GGT7: variants seen among roughly 807,000 people sequenced by gnomAD.
The protein encoded by GGT7 is glutathione hydrolase 7.
A neutral mutation model predicts 69.2 loss-of-function variants in GGT7; 30 were observed. That is an observed-to-expected ratio of 0.43 (90% CI 0.32 to 0.59). The LOEUF is 0.59. GGT7 is among the 20% of genes least tolerant of loss of function. GGT7 has a pLI of 0.05. For missense variants in GGT7, 733 were observed against 901.1 expected (o/e 0.81, Z 2.39); for synonymous variants, 388 against 391.8 (o/e 0.99, Z 0.12).
At position 34,859,568 on chromosome 20, in the gene GGT7, G is replaced by T. The variant is rs749842520; in HGVS notation, c.889C>A (p.Arg297Ser). 14 of 1,602,460 alleles carry T rather than the reference G, an allele frequency of 8.7e-6. 1 individual carries two copies. In the South Asian group the frequency reaches 1.2e-4, roughly 14 times the overall value. Residue 297 changes from arginine (R) to serine (S), a missense_variant, in exon 7 of 15, where the codon CGC becomes AGC. Transcript: ENST00000336431. ...RFRETFLPSG[R>S]PPLPGSLLHR... The stretch of plus-strand genomic sequence containing the variant: ...AGCAACGAGCCAGGTAGTGGCGGGC[G>T]GCCCGATGGCAGGAACGTCTCCCGG...
At position 34,845,337 on chromosome 20, in the gene GGT7, G is replaced by T. The variant is rs780152693; in HGVS notation, c.1980C>A (p.Thr660=). ...GCCCCACCCCGCTGCTCTACAGGAT[G>T]GTGGCTCCAGCTGCATCTGGGCTCC... ...DPRSPDAAGA[T]IL The change falls in exon 15 of 15, where the codon ACC becomes ACA. Residue 660 remains threonine, a synonymous_variant. Transcript: ENST00000336431. 11 of 1,613,556 alleles carry T rather than the reference G, an allele frequency of 6.8e-6. No homozygotes were observed. The highest frequency in any genetic ancestry group is 9.3e-6 in the Non-Finnish European group (11 of 1,179,766).
In GGT7 at chr20:34,863,433, G is replaced by T; in HGVS notation, c.285C>A (p.Ala95=). 6.2e-7 allele frequency: 1 copy of T among 1,613,430 alleles called. No individual in the cohort carries two copies. ...GGCGGCAGGAGCACTCGGCCGCTGC[G>T]GCGGAGAACGGGTCTTTGCGCGTCT... ...LRETRKDPFS[A]AAAECSCRQD... Residue 95 remains alanine, a synonymous_variant, in exon 2 of 15, where the codon GCC becomes GCA. Transcript: ENST00000336431. This position sits in a 1 kb window ranked among gnomAD's most constrained non-coding sequence, Gnocchi z 4.4.
chr20:34,848,407 C>T (rs912980864), intron 14 of GGT7, among the ~76,000 whole-genome samples: 4 of 152,240 alleles, frequency 2.6e-5, no homozygotes. Context: ...TGAACTTTCC[C>T]TTCACCAAGC....
Position 34,850,033 on chromosome 20 carries a change from G to T in GGT7, c.1753C>A (p.Arg585=), listed in dbSNP as rs751472295. Residue 585 remains arginine (R), a synonymous_variant, in exon 14 of 15, where the codon CGG becomes AGG. Coordinates refer to ENST00000336431, the MANE Select transcript of GGT7 (RefSeq NM_178026.3). ...QVLLNVLTLN[R]NLSDSLARGR... is the part of the protein sequence containing the mutation. ...CGGGCCAGGCTGTCACTCAGGTTCCGGTTCAAGGTCAGGACATTCAGCAGA... is the reference window on the plus strand; with the variant it reads ...CGGGCCAGGCTGTCACTCAGGTTCCTGTTCAAGGTCAGGACATTCAGCAGA... 1 of 1,613,682 alleles carries T rather than the reference G, an allele frequency of 6.2e-7. No individual in the cohort carries two copies. The highest frequency in any genetic ancestry group is 8.5e-7 in the Non-Finnish European group (1 of 1,179,748).
At chr20:34,859,057 T>C (rs1294455373) in intron 7 of GGT7, among the ~76,000 whole-genome samples, 4 of 151,732 alleles carry the variant, frequency 2.6e-5, no homozygotes, top group Non-Finnish European at 5.9e-5. Context: ...GTAATCCCAG[T>C]TACTCGGGAG....
In GGT7 at chr20:34,872,678, G is replaced by A. The variant is rs1435664384; in HGVS notation, c.138C>T (p.Asp46=). 1.4e-6 allele frequency: 2 copies of A among 1,479,498 alleles called. No individual in the cohort carries two copies. Among genetic ancestry groups the A allele is most frequent in the South Asian group, 1.4e-5 (1 of 72,912 alleles). 91.6% of individuals were successfully genotyped at this position (1,479,498 alleles called of 1,614,324 possible). ...APAAPLRGRK[D]EDAFLGDPDT... ...CGGGGTCTCCCAGAAAGGCGTCCTCGTCCTTGCGGCCCCTCAGCGGGGCCG... is the reference window on the plus strand; with the variant it reads ...CGGGGTCTCCCAGAAAGGCGTCCTCATCCTTGCGGCCCCTCAGCGGGGCCG... The change falls in exon 1 of 15, where the codon GAC becomes GAT. Residue 46 remains aspartate (D), a synonymous_variant. Coordinates refer to ENST00000336431, the MANE Select transcript of GGT7 (RefSeq NM_178026.3).
chr20:34,859,492 G>A lies in GGT7; in HGVS notation c.965C>T (p.Pro322Leu), dbSNP rs746464519. ...GTTGCCACCTGCGTAGAAGGCAGCC[G>A]GGCCGGAGGTGCCAAGTACATCCAG... ...EVLDVLGTSG[P>L]AAFYAGGNLT... is the part of the protein sequence containing the mutation. Residue 322 changes from proline to leucine, a missense_variant, in exon 7 of 15, where the codon CCG becomes CTG. Coordinates refer to ENST00000336431, the MANE Select transcript of GGT7 (RefSeq NM_178026.3). 13 of 1,605,238 alleles carry A rather than the reference G, an allele frequency of 8.1e-6. No homozygotes were observed. Among genetic ancestry groups the A allele is most frequent in the African/African-American group, 2.7e-5 (2 of 74,806 alleles).
intron 14 of GGT7, among the ~76,000 whole-genome samples, chr20:34,849,221 G>A (rs2079348863): frequency 6.6e-6 from 1 of 151,344 alleles, no homozygotes; most frequent in Admixed American, 6.6e-5. Flanking sequence ...GTAGGGCAGT[G>A]GCGTGATCTT....
At chr20:34,861,344 C>T (rs755245383) in intron 4 of GGT7, 101 bp downstream of exon 4, 3 of 534,612 alleles carry the variant, frequency 5.6e-6, no homozygotes, top group Admixed American at 5.9e-5. Context: ...AACTCTTTTT[C>T]CCACTCCCCT....
Position 34,872,825 on chromosome 20 carries a change from CG to C in GGT7, c.-11del. The C allele has an allele frequency of 7.5e-7, 1 of 1,336,760 alleles. No homozygotes were observed. The highest frequency in any genetic ancestry group is 9.6e-7 in the Non-Finnish European group (1 of 1,037,090). 82.8% of individuals were successfully genotyped at this position (1,336,760 alleles called of 1,614,324 possible). On this transcript the variant is annotated 5_prime_UTR_variant, in exon 1 of 15. Transcript: ENST00000336431. ...CGTTCTCCGCCGCCATCCTCGCCCG[CG>C]CCCCCCAGCAGCGCAGCGCCTGCCG...
At chr20:34,851,673 T>G (rs189193028) in intron 12 of GGT7, among the ~76,000 whole-genome samples, 11 of 152,292 alleles carry the variant, frequency 7.2e-5, no homozygotes, top group Non-Finnish European at 1.2e-4. Context: ...AACCCCACCC[T>G]GATCATCTCT....
Position 34,863,040 on chromosome 20 carries a change from A to C in GGT7, c.406-75T>G, listed in dbSNP as rs2079625024. 1 of 1,413,940 alleles carries C rather than the reference A, an allele frequency of 7.1e-7. No individual in the cohort carries two copies. Among genetic ancestry groups the C allele is most frequent in the African/African-American group, 1.4e-5 (1 of 70,604 alleles). The allele number at this position is 1,413,940 out of a possible 1,614,324, so 87.6% of individuals were successfully genotyped here. Reference sequence around the variant, plus strand: ...CCTAGGGCACCTCCACTAGCCCTAGAACTCTACGCGGCATGAAGGTCGAAG... The same window carrying C: ...CCTAGGGCACCTCCACTAGCCCTAGCACTCTACGCGGCATGAAGGTCGAAG... On this transcript the variant is annotated intron_variant, in intron 2 of 14. Transcript: ENST00000336431. This position sits in a 1 kb window ranked among gnomAD's most constrained non-coding sequence, Gnocchi z 4.4.
chr20:34,854,599 G>A lies in GGT7; in HGVS notation c.1251C>T (p.Ala417=). 3.1e-6 allele frequency: 5 copies of A among 1,612,716 alleles called. No homozygotes were observed. The highest frequency in any genetic ancestry group is 4.2e-6 in the Non-Finnish European group (5 of 1,178,790). ...WVAETLKIAL[A]LASRLGDPVY... ...CGGGATCTCCCAGTCTGCTGGCCAG[G>A]GCTAATGCAATCTTCAGGGTCTGAA... The change falls in exon 10 of 15, where the codon GCC becomes GCT. Residue 417 remains alanine, a synonymous_variant. Coordinates refer to ENST00000336431, the MANE Select transcript of GGT7 (RefSeq NM_178026.3).
Position 34,863,870 on chromosome 20 carries a change from C to T in GGT7, c.170-322G>A, listed in dbSNP as rs2079645670. 1.9e-6 allele frequency: 1 copy of T among 530,300 alleles called. No homozygotes were observed. Among genetic ancestry groups the T allele is most frequent in the African/African-American group, 1.9e-5 (1 of 52,608 alleles). 32.8% of individuals were successfully genotyped at this position (530,300 alleles called of 1,614,324 possible). On this transcript the variant is annotated intron_variant, in intron 1 of 14. Coordinates refer to ENST00000336431, the MANE Select transcript of GGT7 (RefSeq NM_178026.3). This position sits in a 1 kb window ranked among gnomAD's most constrained non-coding sequence, Gnocchi z 4.4. ...CTGGGGGGTGGGGTGGGGGTTCCAG[C>T]CCTCAGTGGAAATCGGATCCTGCCC...
chr20:34,852,332 A>AC, intron 11 of GGT7, 57 bp downstream of exon 11: 1 of 1,545,950 alleles, frequency 6.5e-7, no homozygotes, highest in Non-Finnish European at 8.9e-7. Flanking sequence ...CCCAGCCCCC[A>AC]CCCCCTCTTG....
At chr20:34,852,582 A>G in intron 10 of GGT7, 44 bp from the exon 11 acceptor site, 1 of 1,524,130 alleles carries the variant, frequency 6.6e-7, no homozygotes, top group Non-Finnish European at 8.8e-7. Flanking sequence ...ACAGGCTCTC[A>G]ATACACCCCA....
At chr20:34,855,684 A>G (rs537426397) in intron 8 of GGT7, among the ~76,000 whole-genome samples, 1 of 152,296 alleles carries the variant, frequency 6.6e-6, no homozygotes, top group East Asian at 1.9e-4. Context: ...TAAGGAGGGA[A>G]CCAAGGCTCA....
At chr20:34,861,601 G>T in intron 3 of GGT7, 39 bp from the exon 4 acceptor site, 1 of 1,220,132 alleles carries the variant, frequency 8.2e-7, no homozygotes. Context: ...ATGATAACAT[G>T]CTACCCCTCT....
chr20:34,861,928 GC>G (rs1416703203), intron 3 of GGT7, among the ~76,000 whole-genome samples: 3 of 152,084 alleles, frequency 2.0e-5, no homozygotes, highest in African/African-American at 7.2e-5. Context: ...TATGTCCCTT[GC>G]CCCTCCCCCA....
Sources: allele counts gnomAD v4.1 joint callset (sites outside exome capture counted in the v4.1 genomes callset), GRCh38; gene constraint gnomAD v4.1.1; non-coding constraint Gnocchi (gnomAD v3.1); transcripts MANE v1.5; gene names NCBI Gene and HGNC (gene_info 2026-07-23, HGNC 2026-07-21).